The following SREBF2 variants were observed in gnomAD, a reference collection of about 807,000 sequenced individuals.
SREBF2 encodes sterol regulatory element binding transcription factor 2, also known as sterol regulatory element-binding protein 2.
A neutral mutation model predicts 113.1 loss-of-function variants in SREBF2; 55 were observed. The observed-to-expected ratio is 0.49, with a 90% CI of 0.39 to 0.61. The LOEUF (loss-of-function observed/expected upper bound fraction) is 0.61. Ranked by LOEUF, SREBF2 falls within the 20% of genes least tolerant of loss-of-function variation. SREBF2 has a pLI of 0.00. For missense variants in SREBF2, 1,349 were observed against 1,487.4 expected (o/e 0.91, Z 1.53); for synonymous variants, 593 against 605.7 (o/e 0.98, Z 0.31).
At chr22:41,867,544 C>T (rs1047905719) in intron 2 of SREBF2, among the ~76,000 whole-genome samples, 5 of 152,132 alleles carry the variant, frequency 3.3e-5, no homozygotes, top group South Asian at 2.1e-4. Flanking sequence ...CGGTGGCTCA[C>T]GCCTGTAATC....
chr22:41,905,329 C>T, intron 18 of SREBF2, 111 bp from the exon 19 acceptor site: 2 of 1,091,892 alleles, frequency 1.8e-6, no homozygotes, highest in South Asian at 2.7e-5. Context: ...GCAGCAGACC[C>T]CACCTCCCAG....
rs750707015 is a variant in SREBF2, at chr22:41,894,860, C to G, written c.2418C>G (p.Asn806Lys). Residue 806 changes from asparagine (N) to lysine (K), a missense_variant, in exon 13 of 19, where the codon AAC becomes AAG. This residue lies in a region of SREBF2 where 650 missense variants were observed against 644.1 expected (regional missense o/e 1.01). Transcript: ENST00000361204. ...AGGTCCACCAGGCCTTCTGCAAGAACCTGCTGGAGCGAGCTATAGAGTCCT... is the reference window on the plus strand; with the variant it reads ...AGGTCCACCAGGCCTTCTGCAAGAAGCTGCTGGAGCGAGCTATAGAGTCCT... Reference protein sequence around the residue: ...IAQVHQAFCKNLLERAIESLV... With the variant: ...IAQVHQAFCKKLLERAIESLV... 6 of 1,614,166 alleles carry G rather than the reference C, an allele frequency of 3.7e-6. No homozygotes were observed. Among genetic ancestry groups the G allele is most frequent in the Middle Eastern group, 1.6e-4 (1 of 6,062 alleles).
chr22:41,878,235 C>A, intron 9 of SREBF2, 112 bp downstream of exon 9: 3 of 1,407,718 alleles, frequency 2.1e-6, no homozygotes, highest in Non-Finnish European at 2.9e-6. Flanking sequence ...GAAAAAGGGA[C>A]CCTGCTGCTG....
chr22:41,858,217 C>T (rs1473220151), intron 1 of SREBF2, among the ~76,000 whole-genome samples: 5 of 152,116 alleles, frequency 3.3e-5, no homozygotes, highest in Admixed American at 1.3e-4. Context: ...ACATCACACA[C>T]CATTATTATT....
In SREBF2 at chr22:41,905,893, C is replaced by T; in HGVS notation, c.*233C>T. Reference sequence around the variant, plus strand: ...GAGAGGATAGGTGGCAGGGCAGAAACTGGGCAGCCCTGACTTGATAGCAGC... The same window carrying T: ...GAGAGGATAGGTGGCAGGGCAGAAATTGGGCAGCCCTGACTTGATAGCAGC... On this transcript the variant is annotated 3_prime_UTR_variant, in exon 19 of 19. Coordinates refer to ENST00000361204, the MANE Select transcript of SREBF2 (RefSeq NM_004599.4). 1.5e-6 allele frequency: 1 copy of T among 686,954 alleles called. No homozygotes were observed. Among genetic ancestry groups the T allele is most frequent in the Non-Finnish European group, 2.7e-6 (1 of 376,186 alleles). 42.6% of individuals were successfully genotyped at this position (686,954 alleles called of 1,614,324 possible).
At chr22:41,895,041 G>T in intron 13 of SREBF2, 104 bp downstream of exon 13, 1 of 850,408 alleles carries the variant, frequency 1.2e-6, no homozygotes, top group Non-Finnish European at 2.0e-6. Context: ...GCCTGGCATC[G>T]GGTTGGCAGG....
At chr22:41,867,483 T>C (rs1387011853) in intron 2 of SREBF2, among the ~76,000 whole-genome samples, 1 of 152,180 alleles carries the variant, frequency 6.6e-6, no homozygotes, top group African/African-American at 2.4e-5. Context: ...TAATATCTAT[T>C]GCGCCTAATT....
At chr22:41,856,415 C>CA (rs1295987553) in intron 1 of SREBF2, among the ~76,000 whole-genome samples, 1 of 152,192 alleles carries the variant, frequency 6.6e-6, no homozygotes, top group East Asian at 1.9e-4. Context: ...AGGCATGTGC[C>CA]ACCACACCTG....
At chr22:41,876,911 G>T (rs1017529948) in intron 7 of SREBF2, among the ~76,000 whole-genome samples, 1 of 152,048 alleles carries the variant, frequency 6.6e-6, no homozygotes, top group Non-Finnish European at 1.5e-5. Flanking sequence ...GATTCATTTT[G>T]CCTGTTCTGG....
chr22:41,906,477 G>T lies in SREBF2; in HGVS notation c.*817G>T. 6.1e-6 allele frequency: 1 copy of T among 162,670 alleles called. No individual in the cohort carries two copies. The highest frequency in any genetic ancestry group is 1.4e-5 in the Non-Finnish European group (1 of 73,944). 10.1% of individuals were successfully genotyped at this position (162,670 alleles called of 1,614,324 possible). On this transcript the variant is annotated 3_prime_UTR_variant, in exon 19 of 19. Coordinates refer to ENST00000361204, the MANE Select transcript of SREBF2 (RefSeq NM_004599.4). The stretch of plus-strand genomic sequence containing the variant: ...AGCCACCCATGGGGACTGGGGACCA[G>T]GGGCCTTCAGCATGGCTTCTAGGTT...
chr22:41,881,322 G>C (rs34459727), intron 10 of SREBF2, among the ~76,000 whole-genome samples: 1 of 152,224 alleles, frequency 6.6e-6, no homozygotes. Flanking sequence ...TGACATCTTA[G>C]AGTCAATGAA....
Position 41,897,944 on chromosome 22 carries a change from G to A in SREBF2, c.2606-705G>A, listed in dbSNP as rs141530284. Among the ~76,000 whole-genome samples, 514 of 152,304 alleles carry A rather than the reference G, an allele frequency of 3.4e-3. 5 individuals carry two copies. Among genetic ancestry groups the A allele is most frequent in the Non-Finnish European group, 5.7e-3 (385 of 68,020 alleles). The stretch of plus-strand genomic sequence containing the variant: ...AATATTCTAACAGGAGCCTGTTCCA[G>A]ATACTTTGAAGATACCATTCTTTAT... On this transcript the variant is annotated intron_variant, in intron 14 of 18. Transcript: ENST00000361204.
chr22:41,893,931 C>T (rs1465431860), intron 12 of SREBF2, among the ~76,000 whole-genome samples: 2 of 152,178 alleles, frequency 1.3e-5, no homozygotes, highest in Non-Finnish European at 2.9e-5. Flanking sequence ...GAATTGGAGT[C>T]TGTGGGGAGA....
In SREBF2 at chr22:41,833,159, G is replaced by T; in HGVS notation, c.-112G>T. 1.3e-6 allele frequency: 1 copy of T among 773,926 alleles called. No homozygotes were observed. The highest frequency in any genetic ancestry group is 1.9e-6 in the Non-Finnish European group (1 of 531,842). 47.9% of individuals were successfully genotyped at this position (773,926 alleles called of 1,614,324 possible). ...AACATGGCGGCGGGTGGCACCCGTC[G>T]GTGAGGCGGTGCCGGGCGGGGGTTG... On this transcript the variant is annotated 5_prime_UTR_variant, in exon 1 of 19. Coordinates refer to ENST00000361204, the MANE Select transcript of SREBF2 (RefSeq NM_004599.4). The surrounding 1 kb of genome is among the most constrained non-coding windows in gnomAD (Gnocchi z 4.1).
intron 1 of SREBF2, among the ~76,000 whole-genome samples, chr22:41,835,435 C>G (rs371036766): frequency 1.3e-5 from 2 of 151,512 alleles, no homozygotes; most frequent in Admixed American, 1.3e-4. Context: ...CTCAGCCTCC[C>G]GAGTAGCTGG....
chr22:41,891,765 T>A (rs189628751), intron 11 of SREBF2, among the ~76,000 whole-genome samples: 76 of 152,256 alleles, frequency 5.0e-4, no homozygotes, highest in African/African-American at 1.8e-3. Context: ...GCTTTCTATC[T>A]TATGCTTCTC....
chr22:41,871,619 C>T (rs7292752), intron 4 of SREBF2, among the ~76,000 whole-genome samples: 14,754 of 152,148 alleles, frequency 0.097, 1,158 homozygotes, highest in African/African-American at 0.22. Flanking sequence ...CTGACAGGCA[C>T]GGTGGCTCAC....
At chr22:41,872,918 CAG>C (rs960875796) in intron 4 of SREBF2, among the ~76,000 whole-genome samples, 1 of 151,328 alleles carries the variant, frequency 6.6e-6, no homozygotes, top group Non-Finnish European at 1.5e-5. Context: ...AACAAAAAAA[CAG>C]GACGTGGTGG....
At chr22:41,883,273 G>C (rs1031969759) in intron 10 of SREBF2, among the ~76,000 whole-genome samples, 1 of 152,290 alleles carries the variant, frequency 6.6e-6, no homozygotes, top group African/African-American at 2.4e-5. Context: ...TGTGGTAACT[G>C]GAAGGTGTTA....
Sources: allele counts gnomAD v4.1 joint callset (sites outside exome capture counted in the v4.1 genomes callset), GRCh38; gene constraint gnomAD v4.1.1; regional missense constraint gnomAD v4.1.1; non-coding constraint Gnocchi (gnomAD v3.1); transcripts MANE v1.5; gene names NCBI Gene and HGNC (gene_info 2026-07-23, HGNC 2026-07-21).